SHROOM3: variants seen among roughly 807,000 people sequenced by gnomAD.
SHROOM3 encodes the protein protein Shroom3.
SHROOM3 carries 47 observed loss-of-function variants against 138.6 expected under a neutral mutation model. That is an observed-to-expected ratio of 0.34 (90% CI 0.27 to 0.43). The LOEUF is 0.43. Among genes scored for constraint, SHROOM3 ranks in the 20% least tolerant of loss-of-function variants. The probability of loss-of-function intolerance (pLI) is 1.00; values close to 1 mark genes in which losing one functional copy is unlikely to be tolerated. For missense variants in SHROOM3, 2,491 were observed against 2,596.5 expected (o/e 0.96, Z 0.88); for synonymous variants, 1,062 against 1,063.3 (o/e 1.00, Z 0.02).
At chr4:76,615,394 T>G (rs1734851302) in intron 2 of SHROOM3, among the ~76,000 whole-genome samples, 1 of 152,136 alleles carries the variant, frequency 6.6e-6, no homozygotes, top group Admixed American at 6.5e-5. Flanking sequence ...CAGTCCTGAT[T>G]TGAAATGAAT....
chr4:76,498,771 A>G (rs1304845197), intron 1 of SHROOM3, among the ~76,000 whole-genome samples: 3 of 152,086 alleles, frequency 2.0e-5, no homozygotes, highest in Admixed American at 6.5e-5. Flanking sequence ...TCTTTCCTGA[A>G]TGTTCAATAA....
intron 2 of SHROOM3, among the ~76,000 whole-genome samples, chr4:76,628,273 A>C (rs1224328926): frequency 6.6e-6 from 1 of 152,204 alleles, no homozygotes; most frequent in Non-Finnish European, 1.5e-5. Context: ...TAGCAAATTA[A>C]TTTATATAGA....
At chr4:76,613,755 C>T (rs1037727718) in intron 2 of SHROOM3, among the ~76,000 whole-genome samples, 1 of 152,186 alleles carries the variant, frequency 6.6e-6, no homozygotes, top group African/African-American at 2.4e-5. Flanking sequence ...TAGCTGGTCA[C>T]TCAGCTACAG....
At chr4:76,711,896 C>T (rs1720240040) in intron 3 of SHROOM3, among the ~76,000 whole-genome samples, 1 of 151,460 alleles carries the variant, frequency 6.6e-6, no homozygotes, top group African/African-American at 2.4e-5. Flanking sequence ...GGGAGGCCAA[C>T]TGGCTGGTGT....
chr4:76,605,956 T>C (rs949931480), intron 2 of SHROOM3, among the ~76,000 whole-genome samples: 62 of 143,166 alleles, frequency 4.3e-4, no homozygotes, highest in African/African-American at 1.5e-3. Context: ...TACACATATA[T>C]ATATACATAT....
chr4:76,711,802 A>T (rs1271409430), intron 3 of SHROOM3, among the ~76,000 whole-genome samples: 4 of 151,686 alleles, frequency 2.6e-5, no homozygotes, highest in African/African-American at 9.7e-5. Flanking sequence ...CAACACTTGT[A>T]TTGGGGTGTT....
intron 2 of SHROOM3, among the ~76,000 whole-genome samples, chr4:76,655,977 C>T (rs764989929): frequency 6.6e-6 from 1 of 152,126 alleles, no homozygotes; most frequent in Admixed American, 6.6e-5. Context: ...GAGAGACAGT[C>T]ACAGTTTTGT....
chr4:76,773,478 G>A (rs1331102156), intron 10 of SHROOM3, among the ~76,000 whole-genome samples: 2 of 152,094 alleles, frequency 1.3e-5, no homozygotes, highest in African/African-American at 2.4e-5. Context: ...GTGTGGGAAG[G>A]ATTAAGGGGG....
At chr4:76,505,130 C>A (rs1727368396) in intron 1 of SHROOM3, among the ~76,000 whole-genome samples, 1 of 152,088 alleles carries the variant, frequency 6.6e-6, no homozygotes, top group Non-Finnish European at 1.5e-5. Context: ...ACTTTGTGTA[C>A]CCATGTCCCA....
In SHROOM3 at chr4:76,739,723, A is replaced by C; in HGVS notation, c.1550A>C (p.Asn517Thr). 1 of 1,614,202 alleles carries C rather than the reference A, an allele frequency of 6.2e-7. No individual in the cohort carries two copies. Reference protein sequence around the residue: ...ACNKMATIDENGNQNGSGRPG... With the variant: ...ACNKMATIDETGNQNGSGRPG... ...AACAAGATGGCTACCATTGATGAGA[A>C]TGGGAACCAGAATGGATCTGGCAGG... The change falls in exon 5 of 11, where the codon AAT (asparagine) becomes ACT (threonine). Residue 517 changes from asparagine to threonine, a missense_variant. Coordinates refer to ENST00000296043, the MANE Select transcript of SHROOM3 (RefSeq NM_020859.4).
In SHROOM3 at chr4:76,741,584, C is replaced by T. The variant is rs1332442061; in HGVS notation, c.3411C>T (p.Ser1137=). 2 of 1,541,846 alleles carry T rather than the reference C, an allele frequency of 1.3e-6. No homozygotes were observed. The highest frequency in any genetic ancestry group is 1.7e-6 in the Non-Finnish European group (2 of 1,149,774). Residue 1137 remains serine, a synonymous_variant, in exon 5 of 11, where the codon TCC becomes TCT. Coordinates refer to ENST00000296043, the MANE Select transcript of SHROOM3 (RefSeq NM_020859.4). This position sits in a 1 kb window ranked among gnomAD's most constrained non-coding sequence, Gnocchi z 6.2. ...ALEGSGLASA[S]SLSSLREPSL... ...AAGGCTCCGGCCTCGCCTCGGCCTC[C>T]AGCTTGAGCTCACTGCGGGAGCCCA...
In SHROOM3 at chr4:76,650,943, T is replaced by G. The variant is rs569319176; in HGVS notation, c.324-59213T>G. 2.6e-5 allele frequency among the ~76,000 whole-genome samples: 4 copies of G among 152,316 alleles called. No homozygotes were observed. The East Asian group carries it at 7.7e-4, about 29-fold the overall frequency. On this transcript the variant is annotated intron_variant, in intron 2 of 10. Transcript: ENST00000296043. ...GGTACTTATACACAATGGAGTACTA[T>G]TTAGCCATGAAAAAGAATAGAACCA...
At chr4:76,635,315 A>G (rs1243353326) in intron 2 of SHROOM3, among the ~76,000 whole-genome samples, 2 of 152,146 alleles carry the variant, frequency 1.3e-5, no homozygotes, top group Non-Finnish European at 2.9e-5. Context: ...GGGGATTACA[A>G]TCCTCCTTTT....
intron 1 of SHROOM3, among the ~76,000 whole-genome samples, chr4:76,463,716 C>T (rs1053450280): frequency 6.6e-6 from 1 of 152,196 alleles, no homozygotes; most frequent in African/African-American, 2.4e-5. Context: ...GACCTGGCAC[C>T]TTGCACTGTG....
chr4:76,710,177 C>A lies in SHROOM3; in HGVS notation c.345C>A (p.Gly115=), dbSNP rs1394366858. ...ACAGAGATGTGTGCACAGACCCAGG[C>A]CATGCAGATACTGGTGCCTCTAACT... The part of the protein sequence containing the change: ...VVRRDVCTDP[G]HADTGASNFV... Residue 115 remains glycine, a synonymous_variant, in exon 3 of 11, where the codon GGC becomes GGA. Transcript: ENST00000296043. 1 of 1,614,134 alleles carries A rather than the reference C, an allele frequency of 6.2e-7. No individual in the cohort carries two copies. The highest frequency in any genetic ancestry group is 1.1e-5 in the South Asian group (1 of 91,070).
At position 76,720,849 on chromosome 4, in the gene SHROOM3, G is replaced by A. The variant is rs553570989; in HGVS notation, c.456-9955G>A. ...CTGGTCTTGAACTCCTGACCTCGTG[G>A]TCCGCCCACCTCGGCCTCCCAAAGT... On this transcript the variant is annotated intron_variant, in intron 3 of 10. Transcript: ENST00000296043. Among the ~76,000 whole-genome samples the A allele has an allele frequency of 3.3e-5, 5 of 151,432 alleles. No individual in the cohort carries two copies. In the South Asian group the frequency reaches 6.3e-4, roughly 19 times the overall value.
chr4:76,777,798 GATC>G (rs1289730530), intron 10 of SHROOM3, among the ~76,000 whole-genome samples: 1 of 152,110 alleles, frequency 6.6e-6, no homozygotes, highest in Admixed American at 6.5e-5. Flanking sequence ...ATTTAAAAAT[GATC>G]ATGTTGGAGA....
At chr4:76,503,226 A>G (rs6532434) in intron 1 of SHROOM3, among the ~76,000 whole-genome samples, 26,664 of 148,122 alleles carry the variant, frequency 0.18, 2,731 homozygotes, top group African/African-American at 0.28. Flanking sequence ...GATTGTGATG[A>G]ATCTATAAAT....
rs141874410 is a variant in SHROOM3 at position 76,739,436 on chromosome 4, C to A, written c.1263C>A (p.Gly421=). 3.7e-6 allele frequency: 6 copies of A among 1,614,196 alleles called. No homozygotes were observed. Among genetic ancestry groups the A allele is most frequent in the Non-Finnish European group, 5.1e-6 (6 of 1,180,050 alleles). The part of the protein sequence containing the change: ...RLCRPQANSL[G]SLKSPFIEEQ... ...GCCGGCCTCAGGCAAACTCTTTAGGCTCCCTGAAGTCTCCATTCATAGAGG... is the reference window on the plus strand; with the variant it reads ...GCCGGCCTCAGGCAAACTCTTTAGGATCCCTGAAGTCTCCATTCATAGAGG... Residue 421 remains glycine (G), a synonymous_variant, in exon 5 of 11, where the codon GGC becomes GGA. Transcript: ENST00000296043.
Sources: gnomAD v4.1 joint callset for allele counts (sites outside exome capture counted in the v4.1 genomes callset) on GRCh38, gnomAD v4.1.1 for gene constraint, Gnocchi (gnomAD v3.1) non-coding constraint, MANE v1.5 for transcripts, NCBI Gene and HGNC (gene_info 2026-07-23, HGNC 2026-07-21) for gene names.